Variants in MLLT1 observed in about 807,000 individuals in gnomAD.
MLLT1 encodes MLLT1 super elongation complex subunit, also known as protein ENL.
A neutral mutation model predicts 55.1 loss-of-function variants in MLLT1; 11 were observed. That is an observed-to-expected ratio of 0.20 (90% CI 0.13 to 0.33). The LOEUF is 0.33. Among genes scored for constraint, MLLT1 ranks in the 10% least tolerant of loss-of-function variants. The probability of loss-of-function intolerance (pLI) is 1.00; values close to 1 mark genes in which losing one functional copy is unlikely to be tolerated. For missense variants in MLLT1, 536 were observed against 760.6 expected, an observed-to-expected ratio of 0.70 and a Z score of 3.47; for synonymous variants, 323 against 320.1, an observed-to-expected ratio of 1.01 and a Z score of -0.10.
intron 3 of MLLT1, among the ~76,000 whole-genome samples, chr19:6,260,959 A>G (rs1361735057): frequency 6.6e-6 from 1 of 152,248 alleles, no homozygotes; most frequent in Non-Finnish European, 1.5e-5. Context: ...TGGTGGTCCC[A>G]CAGCCCACCC....
intron 3 of MLLT1, among the ~76,000 whole-genome samples, chr19:6,261,488 TC>T (rs2091305485): frequency 6.6e-6 from 1 of 151,838 alleles, no homozygotes; most frequent in Non-Finnish European, 1.5e-5. Flanking sequence ...GACACCTCCT[TC>T]CCCAGCGTTG....
intron 10 of MLLT1, 35 bp downstream of exon 10, chr19:6,213,691 G>A (rs759045328): frequency 1.9e-5 from 6 of 318,220 alleles, no homozygotes; most frequent in South Asian, 1.7e-4. Context: ...CCACCCCTCC[G>A]TAGCCTCCCC....
chr19:6,275,531 A>G (rs2144968238), intron 1 of MLLT1, among the ~76,000 whole-genome samples: 1 of 152,248 alleles, frequency 6.6e-6, no homozygotes, highest in South Asian at 2.1e-4. Flanking sequence ...AATGTAAGAG[A>G]TGGGGAAAGA....
At chr19:6,276,814 G>C (rs1003277754) in intron 1 of MLLT1, among the ~76,000 whole-genome samples, 1 of 152,122 alleles carries the variant, frequency 6.6e-6, no homozygotes, top group African/African-American at 2.4e-5. Flanking sequence ...TCAAACATGC[G>C]GGTTACGGTT....
rs920133229 is a variant in MLLT1, at chr19:6,210,630, G to A, written c.*2412C>T. 7.5e-5 allele frequency: 17 copies of A among 227,182 alleles called. 1 individual carries two copies. Among genetic ancestry groups the A allele is most frequent in the South Asian group, 3.7e-4 (2 of 5,468 alleles). 14.1% of individuals were successfully genotyped at this position (227,182 alleles called of 1,614,324 possible). A position where few individuals can be genotyped will look rare whatever the true frequency, so the allele number is the denominator to read the frequency against. ...TCGATACCATTTGCTTTCCGGCGTC[G>A]GTTTACATTTTTGTTCAGGAGAGAG... On this transcript the variant is annotated 3_prime_UTR_variant, in exon 12 of 12. Transcript: ENST00000252674. This position sits in a 1 kb window ranked among gnomAD's most constrained non-coding sequence, Gnocchi z 4.6.
chr19:6,260,502 C>T (rs2091295086), intron 3 of MLLT1, among the ~76,000 whole-genome samples: 1 of 152,244 alleles, frequency 6.6e-6, no homozygotes, highest in Non-Finnish European at 1.5e-5. Context: ...GCAAGGATGA[C>T]AAGCAGCAAA....
At chr19:6,241,880 G>A (rs537180527) in intron 3 of MLLT1, among the ~76,000 whole-genome samples, 4 of 152,270 alleles carry the variant, frequency 2.6e-5, no homozygotes, top group South Asian at 2.1e-4. Context: ...TGGCTCCCTC[G>A]GCAATCCACC....
chr19:6,265,051 AAAAAAC>A (rs200131641), intron 2 of MLLT1, among the ~76,000 whole-genome samples: 2,996 of 37,606 alleles, frequency 0.08, 277 homozygotes, highest in African/African-American at 0.13. Flanking sequence ...AAAAAAAACA[AAAAAAC>A]AAAAAAACAA....
intron 3 of MLLT1, among the ~76,000 whole-genome samples, chr19:6,234,549 G>A (rs1306776251): frequency 2.0e-5 from 3 of 152,198 alleles, no homozygotes; most frequent in African/African-American, 4.8e-5. Flanking sequence ...GACTGTCCTA[G>A]CTGACCCAAG....
At chr19:6,238,046 A>G (rs576567465) in intron 3 of MLLT1, among the ~76,000 whole-genome samples, 1 of 152,342 alleles carries the variant, frequency 6.6e-6, no homozygotes, top group East Asian at 1.9e-4. Context: ...TCGAGGTTGC[A>G]ATGAGCTATG....
rs529630157 is a variant in MLLT1 at position 6,227,504 on chromosome 19, G to A, written c.421-402C>T. ...TGTGAGAGGCCAGCCAGATGCCTGC[G>A]AAAGGCAGGCAGCAACTTCCCGGGG... On this transcript the variant is annotated intron_variant, in intron 4 of 11. Transcript: ENST00000252674. The surrounding 1 kb of genome is among the most constrained non-coding windows in gnomAD (Gnocchi z 5.1). Among the ~76,000 whole-genome samples, 14 of 152,244 alleles carry A rather than the reference G, an allele frequency of 9.2e-5. No homozygotes were observed. Among genetic ancestry groups the A allele is most frequent in the Admixed American group, 2.0e-4 (3 of 15,288 alleles).
Position 6,219,241 on chromosome 19 carries a change from C to A in MLLT1, c.1111-1200G>T, listed in dbSNP as rs1041250403. Among the ~76,000 whole-genome samples the A allele has an allele frequency of 6.6e-6, 1 of 152,192 alleles. No homozygotes were observed. The highest frequency in any genetic ancestry group is 6.5e-5 in the Admixed American group (1 of 15,282). On this transcript the variant is annotated intron_variant, in intron 6 of 11. Transcript: ENST00000252674. This position sits in a 1 kb window ranked among gnomAD's most constrained non-coding sequence, Gnocchi z 4.5. ...CCCAAGGGTTTACTGCAGCCCAACC[C>A]AGCCCCCTCCTGCCCCTCAAACCAG...
At chr19:6,267,468 T>A (rs1386547764) in intron 2 of MLLT1, among the ~76,000 whole-genome samples, 1 of 150,644 alleles carries the variant, frequency 6.6e-6, no homozygotes, top group African/African-American at 2.4e-5. Context: ...AATGAAGGTA[T>A]GCTAAAGACA....
At chr19:6,244,964 A>G (rs1311105081) in intron 3 of MLLT1, among the ~76,000 whole-genome samples, 3 of 152,176 alleles carry the variant, frequency 2.0e-5, no homozygotes, top group Non-Finnish European at 4.4e-5. Context: ...ATGTAGAAAA[A>G]TCAGAACCCT....
intron 3 of MLLT1, among the ~76,000 whole-genome samples, chr19:6,261,384 G>A (rs1020101722): frequency 6.6e-6 from 1 of 152,226 alleles, no homozygotes; most frequent in African/African-American, 2.4e-5. Flanking sequence ...GAGGGTTTGT[G>A]GAAAAGTGGA....
At chr19:6,225,205 G>T (rs2090943936) in intron 5 of MLLT1, among the ~76,000 whole-genome samples, 1 of 152,254 alleles carries the variant, frequency 6.6e-6, no homozygotes, top group South Asian at 2.1e-4. Flanking sequence ...CTCTTGGGTG[G>T]TGGCTGTGAA....
rs2091051321 is a variant in MLLT1 at position 6,235,467 on chromosome 19, TAAG to T, written c.277-4757_277-4755del. Among the ~76,000 whole-genome samples, 4 of 152,310 alleles carry T rather than the reference TAAG, an allele frequency of 2.6e-5. No homozygotes were observed. The highest frequency in any genetic ancestry group is 2.0e-4 in the Admixed American group (3 of 15,308). The stretch of plus-strand genomic sequence containing the variant: ...AGTGCCCCCACAAAGCAGCCTGGGC[TAAG>T]AAGGGCACCTGGGGAGGCGCAGCCA... On this transcript the variant is annotated intron_variant, in intron 3 of 11. Coordinates refer to ENST00000252674, the MANE Select transcript of MLLT1 (RefSeq NM_005934.4). This position sits in a 1 kb window ranked among gnomAD's most constrained non-coding sequence, Gnocchi z 5.5.
chr19:6,249,066 A>G (rs1389680632), intron 3 of MLLT1, among the ~76,000 whole-genome samples: 1 of 152,186 alleles, frequency 6.6e-6, no homozygotes, highest in Non-Finnish European at 1.5e-5. Context: ...CTAAATACAG[A>G]TCAAGCCTTT....
At position 6,212,669 on chromosome 19, in the gene MLLT1, G is replaced by A. The variant is rs965353114; in HGVS notation, c.*373C>T. ...GGAGATGCCCCCCAGCCGTCGATCC[G>A]CTGCTCAGAAAGGCTGGGGCAGCGA... On this transcript the variant is annotated 3_prime_UTR_variant, in exon 12 of 12. Coordinates refer to ENST00000252674, the MANE Select transcript of MLLT1 (RefSeq NM_005934.4). The A allele has an allele frequency of 2.7e-6, 3 of 1,106,868 alleles. No individual in the cohort carries two copies. The highest frequency in any genetic ancestry group is 4.8e-5 in the Admixed American group (1 of 20,834). 68.6% of individuals were successfully genotyped at this position (1,106,868 alleles called of 1,614,324 possible).
Sources: allele counts gnomAD v4.1 joint callset (sites outside exome capture counted in the v4.1 genomes callset), GRCh38; gene constraint gnomAD v4.1.1; non-coding constraint Gnocchi (gnomAD v3.1); transcripts MANE v1.5; gene names NCBI Gene and HGNC (gene_info 2026-07-23, HGNC 2026-07-21).